Variants in MSRA observed in about 807,000 individuals in gnomAD.
MSRA encodes the protein methionine sulfoxide reductase A.
Under a neutral mutation model 31.3 loss-of-function variants are expected in MSRA, and 54 were observed. The ratio of observed to expected loss-of-function variants is 1.73; its 90% CI spans 1.39 to 2.17. MSRA has a LOEUF of 2.17. MSRA is among the 30% of genes most tolerant of loss of function. The probability of loss-of-function intolerance (pLI) is 0.00; values close to 1 mark genes in which losing one functional copy is unlikely to be tolerated. For missense variants in MSRA, 507 were observed against 300.9 expected (o/e 1.69, Z -5.07); for synonymous variants, 169 against 116.5 (o/e 1.45, Z -2.90).
At chr8:10,189,219 G>A (rs1455962571) in intron 1 of MSRA, among the ~76,000 whole-genome samples, 1 of 152,136 alleles carries the variant, frequency 6.6e-6, no homozygotes, top group Non-Finnish European at 1.5e-5. Flanking sequence ...CCTACATTTG[G>A]TGAGCTTGGT....
chr8:10,132,018 A>G (rs1414249046), intron 1 of MSRA, among the ~76,000 whole-genome samples: 1 of 152,202 alleles, frequency 6.6e-6, no homozygotes, highest in Non-Finnish European at 1.5e-5. Flanking sequence ...CTCCTAATTG[A>G]TTAATAAAGG....
intron 3 of MSRA, among the ~76,000 whole-genome samples, chr8:10,287,163 C>T (rs1799980625): frequency 6.6e-6 from 1 of 152,138 alleles, no homozygotes; most frequent in South Asian, 2.1e-4. Flanking sequence ...AATCAAATTA[C>T]AGCCGAGTCT....
intron 1 of MSRA, among the ~76,000 whole-genome samples, chr8:10,073,562 C>CT (rs56037206): frequency 0.56 from 85,621 of 151,720 alleles, 25,638 homozygotes; most frequent in Middle Eastern, 0.69. Flanking sequence ...TTTTTTCTTT[C>CT]TTTTTTTCCA....
At chr8:10,099,798 G>T (rs1189293893) in intron 1 of MSRA, among the ~76,000 whole-genome samples, 1 of 152,180 alleles carries the variant, frequency 6.6e-6, no homozygotes. Context: ...GACTTGCCTG[G>T]TGTGGGGTGG....
chr8:10,336,766 A>T (rs1803072678), intron 5 of MSRA: 1 of 152,234 alleles, frequency 6.6e-6, no homozygotes, highest in Non-Finnish European at 1.5e-5. Flanking sequence ...GTGTGTATAC[A>T]CATTTGCTTG....
At chr8:10,159,683 G>A (rs1804473978) in intron 1 of MSRA, among the ~76,000 whole-genome samples, 2 of 152,082 alleles carry the variant, frequency 1.3e-5, no homozygotes, top group South Asian at 2.1e-4. Flanking sequence ...GAGGGGAGGG[G>A]GTTGCCTCTT....
rs556656079 is a variant in MSRA, at chr8:10,180,573, C to T, written c.143-27260C>T. ...AAGCCACCTGGAGTTACCTCATTAG[C>T]ATAACTCAGGTAAGGTTGAAAGGGG... is the stretch of plus-strand genomic sequence containing the variant. On this transcript the variant is annotated intron_variant, in intron 1 of 5. Transcript: ENST00000317173. Among the ~76,000 whole-genome samples, 9 of 152,262 alleles carry T rather than the reference C, an allele frequency of 5.9e-5. No homozygotes were observed. The East Asian group carries it at 1.7e-3, about 29-fold the overall frequency.
intron 1 of MSRA, among the ~76,000 whole-genome samples, chr8:10,130,736 A>G (rs767130889): frequency 6.6e-6 from 1 of 152,234 alleles, no homozygotes; most frequent in Non-Finnish European, 1.5e-5. Flanking sequence ...TTGAAGGCAT[A>G]GAAAGCAAAT....
chr8:10,080,606 G>A (rs543891961), intron 1 of MSRA, among the ~76,000 whole-genome samples: 3 of 152,106 alleles, frequency 2.0e-5, no homozygotes, highest in Non-Finnish European at 4.4e-5. Flanking sequence ...GCTTACTGCA[G>A]CCTTGAACTT....
At chr8:10,179,637 G>A (rs1806365617) in intron 1 of MSRA, among the ~76,000 whole-genome samples, 1 of 152,190 alleles carries the variant, frequency 6.6e-6, no homozygotes, top group African/African-American at 2.4e-5. Context: ...CGACCCAGCT[G>A]ATGGGGCATA....
intron 5 of MSRA, among the ~76,000 whole-genome samples, chr8:10,323,665 G>A (rs978521868): frequency 6.6e-6 from 1 of 151,878 alleles, no homozygotes; most frequent in Non-Finnish European, 1.5e-5. Flanking sequence ...TGTAGTTTTT[G>A]TAGAGGTTAA....
At chr8:10,320,952 C>A (rs1341019106) in intron 5 of MSRA, among the ~76,000 whole-genome samples, 1 of 152,202 alleles carries the variant, frequency 6.6e-6, no homozygotes, top group Non-Finnish European at 1.5e-5. Flanking sequence ...TGTAAAGACC[C>A]GTTCTCCAAG....
intron 1 of MSRA, among the ~76,000 whole-genome samples, chr8:10,137,919 C>T (rs756693225): frequency 1.3e-5 from 2 of 152,164 alleles, no homozygotes; most frequent in Non-Finnish European, 1.5e-5. Context: ...ACCGCAAAGG[C>T]ATTATCTCTA....
chr8:10,313,037 G>A (rs1170283108), intron 4 of MSRA, among the ~76,000 whole-genome samples: 1 of 152,152 alleles, frequency 6.6e-6, no homozygotes, highest in Non-Finnish European at 1.5e-5. Flanking sequence ...AAGAATACAT[G>A]TATGCTGATT....
chr8:10,118,794 C>T (rs1053947688), intron 1 of MSRA, among the ~76,000 whole-genome samples: 1 of 152,206 alleles, frequency 6.6e-6, no homozygotes. Flanking sequence ...GCACTCTTTT[C>T]TAAGCTACCC....
chr8:10,057,782 T>C (rs114648034), intron 1 of MSRA, among the ~76,000 whole-genome samples: 78 of 152,328 alleles, frequency 5.1e-4, no homozygotes, highest in Admixed American at 2.0e-3. Flanking sequence ...TCTGCCATGA[T>C]TGTAAGTTTC....
At chr8:10,100,534 G>A (rs935682141) in intron 1 of MSRA, among the ~76,000 whole-genome samples, 6 of 152,106 alleles carry the variant, frequency 3.9e-5, no homozygotes, top group African/African-American at 1.4e-4. Context: ...AGGGGGCTAG[G>A]GGATGTGATC....
chr8:10,285,343 T>C (rs1016723935), intron 3 of MSRA, among the ~76,000 whole-genome samples: 1 of 152,200 alleles, frequency 6.6e-6, no homozygotes, highest in Non-Finnish European at 1.5e-5. Context: ...TTTTTTATTT[T>C]TTGGTTTTGT....
At chr8:10,092,345 A>G (rs547753822) in intron 1 of MSRA, among the ~76,000 whole-genome samples, 17 of 152,118 alleles carry the variant, frequency 1.1e-4, no homozygotes, top group African/African-American at 3.9e-4. Flanking sequence ...CTGCTGGAGG[A>G]TGTTCCATAT....
Sources: allele counts gnomAD v4.1 joint callset (sites outside exome capture counted in the v4.1 genomes callset), GRCh38; gene constraint gnomAD v4.1.1; transcripts MANE v1.5; gene names NCBI Gene and HGNC (gene_info 2026-07-23, HGNC 2026-07-21).